GFRA2: variants seen among roughly 807,000 people sequenced by gnomAD.
The protein encoded by GFRA2 is GDNF family receptor alpha-2.
In GFRA2, 17 loss-of-function variants were observed where a neutral mutation model predicts 48.3. That is an observed-to-expected ratio of 0.35 (90% CI 0.24 to 0.53). GFRA2 has a LOEUF of 0.53. GFRA2 is among the 20% of genes least tolerant of loss of function. The pLI is 0.93. For synonymous variants in GFRA2, 305 were observed against 257.2 expected (o/e 1.19, Z -1.78); for missense variants, 660 against 637.3 (o/e 1.04, Z -0.38).
intron 7 of GFRA2, among the ~76,000 whole-genome samples, chr8:21,702,157 C>T (rs1802513917): frequency 6.6e-6 from 1 of 152,176 alleles, no homozygotes; most frequent in South Asian, 2.1e-4. Flanking sequence ...TGCCCAGTGT[C>T]ATTAGGAGCT....
intron 4 of GFRA2, among the ~76,000 whole-genome samples, chr8:21,724,326 G>C (rs1450211377): frequency 2.0e-5 from 3 of 152,138 alleles, no homozygotes; most frequent in East Asian, 1.9e-4. Context: ...TCCAGACATT[G>C]CTGGGGGGTT....
rs113826783 is a variant in GFRA2 at position 21,754,510 on chromosome 8, T to C, written c.440-3568A>G. Among the ~76,000 whole-genome samples, 488 of 144,348 alleles carry C rather than the reference T, an allele frequency of 3.4e-3. 2 individuals carry two copies. Among genetic ancestry groups the C allele is most frequent in the African/African-American group, 0.011 (462 of 40,256 alleles). 94.7% of individuals were successfully genotyped at this position (144,348 alleles called of 152,430 possible). A position where few individuals can be genotyped will look rare whatever the true frequency, so the allele number is the denominator to read the frequency against. ...CAACAATGGTCTTTTTTTTTCTTTT[T>C]TTTTTTTTTTTTTTTGAGTCAGAGT... On this transcript the variant is annotated intron_variant, in intron 3 of 8. Coordinates refer to ENST00000524240, the MANE Select transcript of GFRA2 (RefSeq NM_001495.5).
intron 4 of GFRA2, among the ~76,000 whole-genome samples, chr8:21,724,395 C>T (rs1803755688): frequency 6.6e-6 from 1 of 152,102 alleles, no homozygotes. Context: ...TGGAATGGAG[C>T]ACCGTGAGTT....
intron 4 of GFRA2, among the ~76,000 whole-genome samples, chr8:21,746,862 C>T (rs1297512264): frequency 6.6e-6 from 1 of 152,030 alleles, no homozygotes; most frequent in Non-Finnish European, 1.5e-5. Context: ...CAGACGTTCT[C>T]CAAGCCACAA....
chr8:21,743,784 G>T (rs747501544), intron 4 of GFRA2, among the ~76,000 whole-genome samples: 1 of 152,164 alleles, frequency 6.6e-6, no homozygotes, highest in African/African-American at 2.4e-5. Context: ...AGCCCTCTTT[G>T]CTACTGAGCC....
chr8:21,767,823 T>G (rs1191937270), intron 3 of GFRA2, among the ~76,000 whole-genome samples: 1 of 152,232 alleles, frequency 6.6e-6, no homozygotes, highest in Non-Finnish European at 1.5e-5. Context: ...TTTTGTTCCC[T>G]CCTCGTCTTT....
At chr8:21,755,002 T>A (rs992325760) in intron 3 of GFRA2, among the ~76,000 whole-genome samples, 3 of 152,080 alleles carry the variant, frequency 2.0e-5, no homozygotes, top group Admixed American at 6.6e-5. Flanking sequence ...TGTAAAGGTA[T>A]GACACTCTGA....
intron 2 of GFRA2, among the ~76,000 whole-genome samples, chr8:21,777,571 A>C (rs1454061731): frequency 6.6e-6 from 1 of 152,212 alleles, no homozygotes; most frequent in Non-Finnish European, 1.5e-5. Flanking sequence ...GAATGGAAGA[A>C]GGCTTTGCTC....
At chr8:21,777,594 C>A (rs923988464) in intron 2 of GFRA2, among the ~76,000 whole-genome samples, 4 of 152,192 alleles carry the variant, frequency 2.6e-5, no homozygotes, top group Non-Finnish European at 5.9e-5. Flanking sequence ...CACCTTCGGA[C>A]CAAAGAACCC....
chr8:21,782,320 TCTC>T (rs201140697), intron 2 of GFRA2, among the ~76,000 whole-genome samples: 15,912 of 141,460 alleles, frequency 0.11, 1,578 homozygotes, highest in African/African-American at 0.24. Flanking sequence ...CAGCGCCTGT[TCTC>T]CTCCTCCCAC....
chr8:21,698,788 G>A (rs1468835399), intron 7 of GFRA2, among the ~76,000 whole-genome samples: 1 of 151,402 alleles, frequency 6.6e-6, no homozygotes. Context: ...ACTCAGTATA[G>A]TAGACCCCCA....
intron 3 of GFRA2, among the ~76,000 whole-genome samples, chr8:21,769,492 G>A (rs934191621): frequency 3.3e-5 from 5 of 152,212 alleles, no homozygotes; most frequent in Admixed American, 2.0e-4. Flanking sequence ...AGGGCAGCTG[G>A]ACTGCTCCAC....
intron 1 of GFRA2, among the ~76,000 whole-genome samples, chr8:21,787,616 C>A (rs972390931): frequency 4.6e-5 from 7 of 152,194 alleles, no homozygotes; most frequent in Non-Finnish European, 1.0e-4. Flanking sequence ...GCGCTCCCCG[C>A]GCGATGTCCA....
chr8:21,793,433 C>T (rs552186521), upstream of GFRA2, among the ~76,000 whole-genome samples: 565 of 152,238 alleles, frequency 3.7e-3, 4 homozygotes, highest in South Asian at 5.8e-3. Flanking sequence ...TGGCATGATG[C>T]TGGAACACAG....
intron 2 of GFRA2, among the ~76,000 whole-genome samples, chr8:21,778,536 G>C (rs1006021092): frequency 1.3e-5 from 2 of 152,226 alleles, no homozygotes; most frequent in Admixed American, 6.5e-5. Context: ...ACCTTCTGAG[G>C]CACACAGTAG....
intron 4 of GFRA2, among the ~76,000 whole-genome samples, chr8:21,735,642 A>G (rs1251148156): frequency 6.6e-6 from 1 of 152,132 alleles, no homozygotes; most frequent in African/African-American, 2.4e-5. Flanking sequence ...ACAACAATAT[A>G]GCCAGGTGCT....
Position 21,712,463 on chromosome 8 carries a change from G to A in GFRA2, c.795-6422C>T, listed in dbSNP as rs1384423929. Reference sequence around the variant, plus strand: ...CTAGATGGGATGGTGGCCGGGAAGAGGCGCTCCTCACTTCCTAGATGGGAT... The same window carrying A: ...CTAGATGGGATGGTGGCCGGGAAGAAGCGCTCCTCACTTCCTAGATGGGAT... On this transcript the variant is annotated intron_variant, in intron 4 of 8. Coordinates refer to ENST00000524240, the MANE Select transcript of GFRA2 (RefSeq NM_001495.5). Among the ~76,000 whole-genome samples the A allele has an allele frequency of 2.6e-5, 4 of 151,908 alleles. No homozygotes were observed. In the East Asian group the frequency reaches 5.8e-4, roughly 22 times the overall value.
chr8:21,789,463 C>T (rs1262727694), upstream of GFRA2, among the ~76,000 whole-genome samples: 1 of 152,078 alleles, frequency 6.6e-6, no homozygotes, highest in Admixed American at 6.5e-5. Context: ...GGGGGCAGGG[C>T]GTTAGAAAAA....
intron 7 of GFRA2, among the ~76,000 whole-genome samples, chr8:21,701,063 G>C (rs557461810): frequency 6.6e-6 from 1 of 152,192 alleles, no homozygotes; most frequent in Non-Finnish European, 1.5e-5. Context: ...TTATTCACTC[G>C]ACACTTCCAG....
Sources: gnomAD v4.1 joint callset for allele counts (sites outside exome capture counted in the v4.1 genomes callset) on GRCh38, gnomAD v4.1.1 for gene constraint, MANE v1.5 for transcripts, NCBI Gene and HGNC (gene_info 2026-07-23, HGNC 2026-07-21) for gene names.